The following SLC37A1 variants were observed in gnomAD, a reference collection of about 807,000 sequenced individuals.
SLC37A1 encodes the protein solute carrier family 37 member 1.
In SLC37A1, 49 loss-of-function variants were observed where a neutral mutation model predicts 75.3. The observed-to-expected ratio is 0.65, with a 90% CI of 0.52 to 0.83. The LOEUF is 0.83. Among genes scored for constraint, SLC37A1 ranks in the 40% least tolerant of loss-of-function variants. SLC37A1 has a pLI of 0.00. For synonymous variants in SLC37A1, 268 were observed against 292.1 expected (o/e 0.92, Z 0.84); for missense variants, 566 against 695.0 (o/e 0.81, Z 2.09).
chr21:42,534,811 C>T lies in SLC37A1; in HGVS notation c.252C>T (p.Asp84=). Residue 84 remains aspartate (D), a synonymous_variant, in exon 4 of 20, where the codon GAC becomes GAT. Transcript: ENST00000352133. ...ACCAGCTCCCTGACAATGAGACCGA[C>T]TGTGGCTGGGCACCGTTTGGTAAGT... ...APHQLPDNET[D]CGWAPFDKNN... is the part of the protein sequence containing the mutation. 6.2e-7 allele frequency: 1 copy of T among 1,613,896 alleles called. No individual in the cohort carries two copies. The highest frequency in any genetic ancestry group is 8.5e-7 in the Non-Finnish European group (1 of 1,179,916).
At chr21:42,518,849 T>G (rs192553279) in intron 2 of SLC37A1, among the ~76,000 whole-genome samples, 1 of 152,314 alleles carries the variant, frequency 6.6e-6, no homozygotes, top group Admixed American at 6.5e-5. Flanking sequence ...AACTTATATA[T>G]AAGTTACACA....
At chr21:42,520,108 C>T (rs1486026510) in intron 2 of SLC37A1, among the ~76,000 whole-genome samples, 1 of 152,164 alleles carries the variant, frequency 6.6e-6, no homozygotes, top group Non-Finnish European at 1.5e-5. Flanking sequence ...AAGACATTCT[C>T]TTATAAAACC....
At chr21:42,580,234 G>A (rs556642423) in intron 19 of SLC37A1, 111 bp from the exon 20 acceptor site, 150 of 1,255,824 alleles carry the variant, frequency 1.2e-4, no homozygotes, top group Non-Finnish European at 1.5e-4. Context: ...CTGCTGGGCC[G>A]GGAGGGCAGC....
Position 42,567,687 on chromosome 21 carries a change from T to G in SLC37A1, c.1344+629T>G, listed in dbSNP as rs556603318. 7.2e-5 allele frequency among the ~76,000 whole-genome samples: 11 copies of G among 152,198 alleles called. No homozygotes were observed. In the South Asian group the frequency reaches 2.3e-3, roughly 31 times the overall value. On this transcript the variant is annotated intron_variant, in intron 16 of 19. Transcript: ENST00000352133. ...ACATATTACGTGCATATACAAGCATTTATTTTTTTGAACGCTGGTTCATTT... is the reference window on the plus strand; with the variant it reads ...ACATATTACGTGCATATACAAGCATGTATTTTTTTGAACGCTGGTTCATTT...
At position 42,563,834 on chromosome 21, in the gene SLC37A1, G is replaced by T. The variant is rs759571099; in HGVS notation, c.1092G>T (p.Lys364Asn). ...CAATAGATCACCTTGATGCCAAAAA[G>T]GCGGGGGAGCTCTCCACCCTGTTTG... ...ITNVDHLDAKKAGELSTLFDV... is the reference protein window; with the variant it reads ...ITNVDHLDAKNAGELSTLFDV... Residue 364 changes from lysine to asparagine, a missense_variant, in exon 13 of 20, where the codon AAG (lysine) becomes AAT (asparagine). Transcript: ENST00000352133. 6.2e-6 allele frequency: 10 copies of T among 1,614,212 alleles called. No individual in the cohort carries two copies. The highest frequency in any genetic ancestry group is 7.6e-6 in the Non-Finnish European group (9 of 1,180,024).
At chr21:42,556,183 G>A (rs371895155) in intron 10 of SLC37A1, among the ~76,000 whole-genome samples, 292 of 152,316 alleles carry the variant, frequency 1.9e-3, no homozygotes, top group African/African-American at 6.3e-3. Flanking sequence ...TGGCGAGCCC[G>A]CAGGTCCCCG....
rs1355055536 is a variant in SLC37A1 at position 42,548,051 on chromosome 21, T to G, written c.768+911T>G. Among the ~76,000 whole-genome samples the G allele has an allele frequency of 6.6e-6, 1 of 152,042 alleles. No individual in the cohort carries two copies. The highest frequency in any genetic ancestry group is 1.5e-5 in the Non-Finnish European group (1 of 67,990). On this transcript the variant is annotated intron_variant, in intron 9 of 19. Transcript: ENST00000352133. This position sits in a 1 kb window ranked among gnomAD's most constrained non-coding sequence, Gnocchi z 5.6. ...CCCTCTGGGGGTCAGCTCTCTTCCC[T>G]CCCTCTGGGAAAGGCTCCCCTACCC...
chr21:42,503,530 T>G (rs558610752), intron 2 of SLC37A1, among the ~76,000 whole-genome samples: 1 of 152,288 alleles, frequency 6.6e-6, no homozygotes, highest in Non-Finnish European at 1.5e-5. Context: ...ATTACAGGTG[T>G]GAGCCACCAC....
intron 2 of SLC37A1, among the ~76,000 whole-genome samples, chr21:42,522,505 G>T (rs1035803730): frequency 2.6e-5 from 4 of 152,132 alleles, no homozygotes; most frequent in African/African-American, 7.2e-5. Flanking sequence ...AATAGTCACG[G>T]GAGCTGAAGT....
chr21:42,516,866 T>C (rs778465482), intron 1 of SLC37A1, among the ~76,000 whole-genome samples: 1 of 152,244 alleles, frequency 6.6e-6, no homozygotes, highest in Non-Finnish European at 1.5e-5. Context: ...TTGAACCAAA[T>C]TCTTTACTCT....
intron 16 of SLC37A1, 33 bp downstream of exon 16, chr21:42,567,091 G>A: frequency 6.2e-7 from 1 of 1,604,212 alleles, no homozygotes; most frequent in South Asian, 1.1e-5. Context: ...CCAGCCCTGT[G>A]GGCACCCTGC....
Position 42,559,171 on chromosome 21 carries a change from TA to T in SLC37A1, c.981+87del, listed in dbSNP as rs993087650. 3.3e-6 allele frequency: 5 copies of T among 1,515,512 alleles called. No homozygotes were observed. The African/African-American group carries it at 5.6e-5, about 17-fold the overall frequency. The allele number at this position is 1,515,512 out of a possible 1,614,324, so 93.9% of individuals were successfully genotyped here. A position where few individuals can be genotyped will look rare whatever the true frequency, so the allele number is the denominator to read the frequency against. On this transcript the variant is annotated intron_variant, in intron 11 of 19. Coordinates refer to ENST00000352133, the MANE Select transcript of SLC37A1 (RefSeq NM_001320537.2). ...AGTCTGGTCGGTTGATGATTAAGCT[TA>T]AAAAGACATCTGTGGTTGTAGAACC...
intron 3 of SLC37A1, among the ~76,000 whole-genome samples, chr21:42,532,659 G>A (rs760491719): frequency 1.3e-5 from 2 of 152,120 alleles, no homozygotes; most frequent in African/African-American, 4.8e-5. Context: ...GCAGGCACCC[G>A]CCCTGGGTCT....
rs190441273 is a variant in SLC37A1 at position 42,565,474 on chromosome 21, G to T, written c.1222-353G>T. On this transcript the variant is annotated intron_variant, in intron 14 of 19. Transcript: ENST00000352133. Reference sequence around the variant, plus strand: ...GGGTGGGCCCCTTGCTGCCACTGGGGGGTGGGCAGCCTGAGGACTTGGCAG... The same window carrying T: ...GGGTGGGCCCCTTGCTGCCACTGGGTGGTGGGCAGCCTGAGGACTTGGCAG... Among the ~76,000 whole-genome samples the T allele has an allele frequency of 4.4e-3, 670 of 152,372 alleles. 2 individuals are homozygous for T. Among genetic ancestry groups the T allele is most frequent in the Middle Eastern group, 0.02 (6 of 294 alleles).
intron 17 of SLC37A1, among the ~76,000 whole-genome samples, chr21:42,570,492 G>C (rs534756013): frequency 6.6e-6 from 1 of 152,166 alleles, no homozygotes; most frequent in African/African-American, 2.4e-5. Context: ...CTTCTGTCTT[G>C]GGCATCTCAG....
intron 2 of SLC37A1, among the ~76,000 whole-genome samples, chr21:42,522,669 C>T (rs1451922062): frequency 1.3e-5 from 2 of 152,206 alleles, no homozygotes; most frequent in Non-Finnish European, 2.9e-5. Context: ...ATAAATACAG[C>T]GTTTTCCTCT....
Position 42,580,326 on chromosome 21 carries a change from C to G in SLC37A1, c.1587-19C>G, listed in dbSNP as rs117538453. 2.1e-3 allele frequency: 3,314 copies of G among 1,611,600 alleles called. 37 individuals are homozygous for G. In the East Asian group the frequency reaches 0.023, roughly 11 times the overall value. ...ACTGCTGGCTGTTAGAGCAGCTCTTCTTTCAACCTTTCTTTCAGATTTAAG... is the reference window on the plus strand; with the variant it reads ...ACTGCTGGCTGTTAGAGCAGCTCTTGTTTCAACCTTTCTTTCAGATTTAAG... On this transcript the variant is annotated intron_variant, in intron 19 of 19. Coordinates refer to ENST00000352133, the MANE Select transcript of SLC37A1 (RefSeq NM_001320537.2).
intron 10 of SLC37A1, among the ~76,000 whole-genome samples, chr21:42,555,609 A>G (rs1006860161): frequency 6.6e-6 from 1 of 152,134 alleles, no homozygotes; most frequent in Non-Finnish European, 1.5e-5. Context: ...ATCATGTCCC[A>G]GTGTCCAAAA....
chr21:42,511,437 A>G (rs2054431632), upstream of SLC37A1, among the ~76,000 whole-genome samples: 1 of 152,256 alleles, frequency 6.6e-6, no homozygotes, highest in Non-Finnish European at 1.5e-5. Flanking sequence ...GTCATTTGCA[A>G]CAACATGGAT....
Sources: allele counts gnomAD v4.1 joint callset (sites outside exome capture counted in the v4.1 genomes callset), GRCh38; gene constraint gnomAD v4.1.1; non-coding constraint Gnocchi (gnomAD v3.1); transcripts MANE v1.5; gene names NCBI Gene and HGNC (gene_info 2026-07-23, HGNC 2026-07-21).